LPP: variants seen among roughly 807,000 people sequenced by gnomAD.
LPP encodes LIM domain containing preferred translocation partner in lipoma, also known as lipoma-preferred partner.
Under a neutral mutation model 60.4 loss-of-function variants are expected in LPP, and 38 were observed. That is an observed-to-expected ratio of 0.63 (90% confidence interval 0.49 to 0.83). LPP has a LOEUF of 0.83. Ranked by LOEUF, LPP falls within the 40% of genes least tolerant of loss-of-function variation. LPP has a pLI of 0.00. For synonymous variants in LPP, 328 were observed against 290.8 expected (o/e 1.13, Z -1.30); for missense variants, 902 against 783.6 (o/e 1.15, Z -1.80).
intron 1 of LPP, among the ~76,000 whole-genome samples, chr3:188,215,158 T>A (rs992812746): frequency 7.2e-5 from 11 of 152,084 alleles, no homozygotes; most frequent in African/African-American, 2.2e-4. Flanking sequence ...ATACAAACAT[T>A]AGCTGGGCCT....
At chr3:188,229,880 G>A (rs6777135) in intron 2 of LPP, among the ~76,000 whole-genome samples, 88,163 of 151,830 alleles carry the variant, frequency 0.58, 26,007 homozygotes, top group African/African-American at 0.66. Flanking sequence ...GTTTGAATGG[G>A]TAGAGAGACC....
At chr3:188,278,053 C>T (rs766437443) in intron 2 of LPP, among the ~76,000 whole-genome samples, 3 of 152,176 alleles carry the variant, frequency 2.0e-5, no homozygotes, top group East Asian at 1.9e-4. Context: ...GCCTCTCTTT[C>T]GATCATGATA....
In LPP at chr3:188,203,369, A is replaced by AATATATATTAATATTTAT. The variant is rs1485266301; in HGVS notation, c.-189-22031_-189-22014dup. 7.8e-5 allele frequency among the ~76,000 whole-genome samples: 8 copies of AATATATATTAATATTTAT among 102,238 alleles called. No individual in the cohort carries two copies. The Admixed American group carries it at 1.1e-3, about 14-fold the overall frequency. The allele number at this position is 102,238 out of a possible 152,430, so 67.1% of individuals were successfully genotyped here. A position where few individuals can be genotyped will look rare whatever the true frequency, so the allele number is the denominator to read the frequency against. On this transcript the variant is annotated intron_variant, in intron 1 of 11. Transcript: ENST00000617246. Reference sequence around the variant, plus strand: ...TTAAATATATACATATATTTATATAAATATATATTAATATTTATATATTAA... The same window carrying AATATATATTAATATTTAT: ...TTAAATATATACATATATTTATATAAATATATATTAATATTTATATATATATTAATATTTATATATTAA...
At chr3:188,635,494 G>A (rs1306184043) in intron 7 of LPP, among the ~76,000 whole-genome samples, 1 of 152,174 alleles carries the variant, frequency 6.6e-6, no homozygotes, top group Non-Finnish European at 1.5e-5. Flanking sequence ...GCTCAGACAA[G>A]GCGTTCCGAA....
intron 4 of LPP, among the ~76,000 whole-genome samples, chr3:188,467,497 G>T (rs1049421665): frequency 6.6e-6 from 1 of 152,000 alleles, no homozygotes; most frequent in African/African-American, 2.4e-5. Flanking sequence ...AGCCCTCAAA[G>T]TTGTCCACGT....
chr3:188,370,818 A>G (rs1772821794), intron 3 of LPP, among the ~76,000 whole-genome samples: 1 of 152,026 alleles, frequency 6.6e-6, no homozygotes, highest in African/African-American at 2.4e-5. Flanking sequence ...TGGCTCTTTC[A>G]CTTTCTACAT....
Position 188,471,887 on chromosome 3 carries a change from C to T in LPP, c.194-12705C>T, listed in dbSNP as rs562752721. Among the ~76,000 whole-genome samples the T allele has an allele frequency of 9.2e-5, 14 of 152,144 alleles. 1 individual carries two copies. In the South Asian group the frequency reaches 2.5e-3, roughly 27 times the overall value. ...AAGGCAGCTTCATGAGGCTTCTGTG[C>T]CTTACCTCAGCTAAGAGTAAACAGA... On this transcript the variant is annotated intron_variant, in intron 4 of 11. Coordinates refer to ENST00000617246, the MANE Select transcript of LPP (RefSeq NM_001375462.1).
chr3:188,407,795 T>TTTTTTTTTTTG (rs1783994562), intron 4 of LPP, among the ~76,000 whole-genome samples: 1 of 137,460 alleles, frequency 7.3e-6, no homozygotes, highest in Non-Finnish European at 1.6e-5. Context: ...TTTGTTTTTT[T>TTTTTTTTTTTG]TTTTTTTTTT....
chr3:188,399,903 A>G (rs1408945568), intron 3 of LPP, among the ~76,000 whole-genome samples: 1 of 152,264 alleles, frequency 6.6e-6, no homozygotes, highest in Admixed American at 6.5e-5. Flanking sequence ...TGTGGGTGAC[A>G]GTGACTTGAC....
At chr3:188,577,761 G>A (rs9863280) in intron 6 of LPP, among the ~76,000 whole-genome samples, 1 of 113,298 alleles carries the variant, frequency 8.8e-6, no homozygotes, top group African/African-American at 3.1e-5. Context: ...TCGTTCCTTC[G>A]TTCCTTCCTT....
chr3:188,208,491 G>A (rs1297640355), intron 1 of LPP, among the ~76,000 whole-genome samples: 1 of 152,166 alleles, frequency 6.6e-6, no homozygotes, highest in Non-Finnish European at 1.5e-5. Flanking sequence ...TTCATGCTTG[G>A]GAGCATCCTC....
At chr3:188,852,838 C>T (rs1161178228) in intron 9 of LPP, among the ~76,000 whole-genome samples, 1 of 152,106 alleles carries the variant, frequency 6.6e-6, no homozygotes, top group Non-Finnish European at 1.5e-5. Flanking sequence ...AACTATATCA[C>T]ATTTTAAGAT....
intron 2 of LPP, among the ~76,000 whole-genome samples, chr3:188,304,228 G>C (rs1250991153): frequency 6.6e-6 from 1 of 152,128 alleles, no homozygotes. Context: ...TAGAAAATTT[G>C]CATTCTCTTG....
At chr3:188,362,106 G>A (rs779935648) in intron 3 of LPP, among the ~76,000 whole-genome samples, 1 of 152,152 alleles carries the variant, frequency 6.6e-6, no homozygotes, top group Non-Finnish European at 1.5e-5. Context: ...TTCCGTGGGC[G>A]TGAGTATGAA....
chr3:188,736,156 T>C (rs1722428771), intron 8 of LPP, among the ~76,000 whole-genome samples: 1 of 152,206 alleles, frequency 6.6e-6, no homozygotes, highest in African/African-American at 2.4e-5. Flanking sequence ...ATCTGATCTG[T>C]ACTGAGAACA....
rs1287115788 is a variant in LPP at position 188,587,299 on chromosome 3, C to T, written c.430-21862C>T. 4.8e-3 allele frequency among the ~76,000 whole-genome samples: 6 copies of T among 1,240 alleles called. 2 individuals are homozygous for T. The highest frequency in any genetic ancestry group is 7.0e-3 in the African/African-American group (6 of 862). The allele number at this position is 1,240 out of a possible 152,430, so 0.8% of individuals were successfully genotyped here. A position where few individuals can be genotyped will look rare whatever the true frequency, so the allele number is the denominator to read the frequency against. On this transcript the variant is annotated intron_variant, in intron 6 of 11. Coordinates refer to ENST00000617246, the MANE Select transcript of LPP (RefSeq NM_001375462.1). ...CGGAGCTTGCAGTGAGCCGAGATTGCGCCACTGCAGTCCGCAGTCCGGCCT... is the reference window on the plus strand; with the variant it reads ...CGGAGCTTGCAGTGAGCCGAGATTGTGCCACTGCAGTCCGCAGTCCGGCCT...
intron 4 of LPP, among the ~76,000 whole-genome samples, chr3:188,465,587 C>A (rs1356268180): frequency 6.6e-6 from 1 of 152,156 alleles, no homozygotes; most frequent in Non-Finnish European, 1.5e-5. Context: ...TCGAAAACCA[C>A]AATCTAATAA....
At chr3:188,475,928 A>T (rs1803077130) in intron 4 of LPP, among the ~76,000 whole-genome samples, 2 of 152,092 alleles carry the variant, frequency 1.3e-5, no homozygotes, top group African/African-American at 4.8e-5. Context: ...AACAAAAAAG[A>T]TATGAAAAAC....
At chr3:188,624,736 TTTCC>T (rs1846451404) in intron 7 of LPP, among the ~76,000 whole-genome samples, 3 of 40,400 alleles carry the variant, frequency 7.4e-5, no homozygotes, top group Non-Finnish European at 1.5e-4. Context: ...TCCCTTTCCC[TTTCC>T]CTTCCCTTCC....
Sources: gnomAD v4.1 joint callset for allele counts (sites outside exome capture counted in the v4.1 genomes callset) on GRCh38, gnomAD v4.1.1 for gene constraint, MANE v1.5 for transcripts, NCBI Gene and HGNC (gene_info 2026-07-23, HGNC 2026-07-21) for gene names.